TSPEAR: variants seen among roughly 807,000 people sequenced by gnomAD.
TSPEAR encodes thrombospondin-type laminin G domain and EAR repeat-containing protein.
In TSPEAR, 69 loss-of-function variants were observed where a neutral mutation model predicts 71.6. The observed-to-expected ratio is 0.96, with a 90% CI of 0.79 to 1.18. The LOEUF (loss-of-function observed/expected upper bound fraction) is 1.18. Among genes scored for constraint, TSPEAR ranks in the 50% most tolerant of loss-of-function variants. TSPEAR has a pLI of 0.00. For synonymous variants in TSPEAR, 402 were observed against 387.2 expected, an observed-to-expected ratio of 1.04 and a Z score of -0.45; for missense variants, 971 against 894.9, an observed-to-expected ratio of 1.09 and a Z score of -1.09.
chr21:44,657,206 G>A (rs977611827), intron 1 of TSPEAR, among the ~76,000 whole-genome samples: 2 of 152,072 alleles, frequency 1.3e-5, no homozygotes, highest in Non-Finnish European at 2.9e-5. Flanking sequence ...ATTATTTCAT[G>A]CATTCATTTC....
Position 44,498,986 on chromosome 21 carries a change from A to G in TSPEAR, c.*797T>C, listed in dbSNP as rs2051977564. On this transcript the variant is annotated 3_prime_UTR_variant, in exon 12 of 12. Coordinates refer to ENST00000323084, the MANE Select transcript of TSPEAR (RefSeq NM_144991.3). ...CCAGCAGAGGATGCTGTTACCAGGG[A>G]GCTAGGACAGCCAGCACACAGGCAG... 1 of 152,308 alleles carries G rather than the reference A, an allele frequency of 6.6e-6. No homozygotes were observed. The highest frequency in any genetic ancestry group is 1.5e-5 in the Non-Finnish European group (1 of 68,132). 9.4% of individuals were successfully genotyped at this position (152,308 alleles called of 1,614,324 possible). A position where few individuals can be genotyped will look rare whatever the true frequency, so the allele number is the denominator to read the frequency against.
intron 1 of TSPEAR, among the ~76,000 whole-genome samples, chr21:44,595,501 C>A (rs1198084324): frequency 6.6e-6 from 1 of 152,212 alleles, no homozygotes; most frequent in Non-Finnish European, 1.5e-5. Flanking sequence ...TGAGCCCCAG[C>A]CAACAGCCCT....
At chr21:44,601,831 C>T (rs79571149) in intron 1 of TSPEAR, 28,521 of 1,491,322 alleles carry the variant, frequency 0.019, 348 homozygotes, top group Non-Finnish European at 0.021. Flanking sequence ...CGCTCCTAAG[C>T]CCTGCAGTGG....
At chr21:44,521,196 C>T (rs1029045272) in intron 9 of TSPEAR, among the ~76,000 whole-genome samples, 2 of 152,204 alleles carry the variant, frequency 1.3e-5, no homozygotes, top group African/African-American at 2.4e-5. Context: ...CTGCCTCCTC[C>T]GGGGAACTGG....
chr21:44,637,122 T>G, intron 1 of TSPEAR, among the ~76,000 whole-genome samples: 1 of 152,108 alleles, frequency 6.6e-6, no homozygotes, highest in Non-Finnish European at 1.5e-5. Context: ...AGGTCACACC[T>G]TCCCTCCTGG....
chr21:44,657,284 G>A (rs1231157341), intron 1 of TSPEAR, among the ~76,000 whole-genome samples: 11 of 152,158 alleles, frequency 7.2e-5, no homozygotes, highest in Non-Finnish European at 1.5e-4. Context: ...GTTGCTGCTG[G>A]TACACAATAT....
chr21:44,506,202 C>G lies in TSPEAR; in HGVS notation c.1755-1321G>C, dbSNP rs1029791359. 2.6e-5 allele frequency among the ~76,000 whole-genome samples: 4 copies of G among 152,248 alleles called. No homozygotes were observed. Among genetic ancestry groups the G allele is most frequent in the Admixed American group, 6.5e-5 (1 of 15,290 alleles). ...GTCTCACCTGAATTTACCAAGGATG[C>G]ATCTGTGCTTGGGGATGGCTCGGTT... is the stretch of plus-strand genomic sequence containing the variant. On this transcript the variant is annotated intron_variant, in intron 10 of 11. Coordinates refer to ENST00000323084, the MANE Select transcript of TSPEAR (RefSeq NM_144991.3). This position sits in a 1 kb window ranked among gnomAD's most constrained non-coding sequence, Gnocchi z 4.2.
intron 1 of TSPEAR, among the ~76,000 whole-genome samples, chr21:44,650,891 T>C (rs1984746886): frequency 6.6e-6 from 1 of 151,976 alleles, no homozygotes; most frequent in Admixed American, 6.6e-5. Flanking sequence ...GGGACAACCA[T>C]GGCTTGGCTC....
chr21:44,537,836 G>A (rs1490804457), intron 2 of TSPEAR, among the ~76,000 whole-genome samples: 1 of 152,188 alleles, frequency 6.6e-6, no homozygotes, highest in Non-Finnish European at 1.5e-5. Flanking sequence ...ATAAGAAATG[G>A]GCTAGGAATG....
At chr21:44,667,191 T>G (rs1403493455) in intron 1 of TSPEAR, among the ~76,000 whole-genome samples, 2 of 152,226 alleles carry the variant, frequency 1.3e-5, no homozygotes, top group African/African-American at 4.8e-5. Flanking sequence ...AAATTTTACC[T>G]GAGTTACTTT....
chr21:44,591,567 G>C, intron 1 of TSPEAR: 4 of 1,613,432 alleles, frequency 2.5e-6, no homozygotes, highest in Non-Finnish European at 3.4e-6. Flanking sequence ...GGTGGCAGAG[G>C]AGGGACACGG....
chr21:44,711,473 C>T lies in TSPEAR; in HGVS notation c.42G>A (p.Ala14=), dbSNP rs782098253. The part of the protein sequence containing the change: ...LLSLCFVLPL[A]APGHGTQGWE... ...AACCCTGCGTGCCGTGGCCGGGGGC[C>T]GCCAGGGGCAGCACAAAACACAGAC... Residue 14 remains alanine, a synonymous_variant, in exon 1 of 12, where the codon GCG becomes GCA. Coordinates refer to ENST00000323084, the MANE Select transcript of TSPEAR (RefSeq NM_144991.3). This position sits in a 1 kb window ranked among gnomAD's most constrained non-coding sequence, Gnocchi z 4.5. 3 of 1,611,690 alleles carry T rather than the reference C, an allele frequency of 1.9e-6. No individual in the cohort carries two copies. The highest frequency in any genetic ancestry group is 2.2e-5 in the East Asian group (1 of 44,816).
At chr21:44,541,857 T>C (rs924971399) in intron 2 of TSPEAR, among the ~76,000 whole-genome samples, 5 of 152,220 alleles carry the variant, frequency 3.3e-5, no homozygotes, top group Admixed American at 3.3e-4. Flanking sequence ...GAAACAAAAG[T>C]GATCTCTTCT....
chr21:44,657,510 G>C (rs1156295089), intron 1 of TSPEAR, among the ~76,000 whole-genome samples: 2 of 152,192 alleles, frequency 1.3e-5, no homozygotes, highest in Admixed American at 6.5e-5. Flanking sequence ...TTGAAAAACA[G>C]GCAGTGGGCC....
chr21:44,564,724 ATAAC>A (rs2053680807), intron 2 of TSPEAR, among the ~76,000 whole-genome samples: 1 of 152,202 alleles, frequency 6.6e-6, no homozygotes, highest in Admixed American at 6.5e-5. Flanking sequence ...AACGGATAGA[ATAAC>A]TAGGTAGAAG....
intron 1 of TSPEAR, among the ~76,000 whole-genome samples, chr21:44,617,253 C>T (rs1225144227): frequency 6.6e-6 from 1 of 152,206 alleles, no homozygotes; most frequent in Non-Finnish European, 1.5e-5. Flanking sequence ...TCCAGCTGTC[C>T]CAGCGCTCAG....
intron 1 of TSPEAR, among the ~76,000 whole-genome samples, chr21:44,708,698 C>A (rs1404270784): frequency 1.3e-5 from 2 of 152,238 alleles, no homozygotes; most frequent in African/African-American, 4.8e-5. Flanking sequence ...TCTCCACCAG[C>A]TGACAGCCTT....
chr21:44,573,459 A>G (rs1978292008), intron 1 of TSPEAR, among the ~76,000 whole-genome samples: 1 of 152,172 alleles, frequency 6.6e-6, no homozygotes. Flanking sequence ...AAAGCAGCAC[A>G]GCCTGAACTG....
intron 9 of TSPEAR, chr21:44,517,720 C>T (rs2052623242): frequency 2.1e-6 from 1 of 469,812 alleles, no homozygotes; most frequent in Middle Eastern, 3.3e-4. Flanking sequence ...CGTCCTTGTC[C>T]TGCGGGGGCT....
Sources: allele counts gnomAD v4.1 joint callset (sites outside exome capture counted in the v4.1 genomes callset), GRCh38; gene constraint gnomAD v4.1.1; non-coding constraint Gnocchi (gnomAD v3.1); transcripts MANE v1.5; gene names NCBI Gene and HGNC (gene_info 2026-07-23, HGNC 2026-07-21).